The following MTA1 variants were observed in gnomAD, a reference collection of about 807,000 sequenced individuals.
MTA1 encodes metastasis associated 1, also known as metastasis-associated protein MTA1.
MTA1 carries 15 observed loss-of-function variants against 97.0 expected under a neutral mutation model. The observed-to-expected ratio is 0.15, with a 90% confidence interval of 0.10 to 0.24. The LOEUF is 0.24. Ranked by LOEUF, MTA1 falls within the 10% of genes least tolerant of loss-of-function variation. The pLI, the probability that MTA1 is intolerant of heterozygous loss-of-function variation, is 1.00. For missense variants in MTA1, 709 were observed against 1,015.1 expected (o/e 0.70, Z 4.10); for synonymous variants, 435 against 417.5 (o/e 1.04, Z -0.51).
Position 105,454,916 on chromosome 14 carries a change from C to G in MTA1, c.550+606C>G, listed in dbSNP as rs112124468. 8.1e-3 allele frequency among the ~76,000 whole-genome samples: 1,226 copies of G among 150,476 alleles called. 17 individuals are homozygous for G. The highest frequency in any genetic ancestry group is 0.014 in the Non-Finnish European group (946 of 67,542). ...TGGCAGTTATTTTTCATTACTTTTT[C>G]TTTTTTTTGGACAAGGTCTGGCTCT... On this transcript the variant is annotated intron_variant, in intron 7 of 20. Coordinates refer to ENST00000331320, the MANE Select transcript of MTA1 (RefSeq NM_004689.4).
chr14:105,446,385 C>G (rs1316732031), intron 3 of MTA1, among the ~76,000 whole-genome samples: 1 of 152,218 alleles, frequency 6.6e-6, no homozygotes, highest in Non-Finnish European at 1.5e-5. Context: ...AGGCATGTGA[C>G]TGCCCGGGTA....
At chr14:105,458,679 C>G (rs947986195) in intron 8 of MTA1, among the ~76,000 whole-genome samples, 1 of 152,166 alleles carries the variant, frequency 6.6e-6, no homozygotes, top group African/African-American at 2.4e-5. Context: ...CCACTGGGAG[C>G]AAGTGGGCTG....
At chr14:105,445,533 G>T (rs1191436872) in intron 3 of MTA1, 22 bp downstream of exon 3, 1 of 1,612,364 alleles carries the variant, frequency 6.2e-7, no homozygotes, top group Non-Finnish European at 8.5e-7. Flanking sequence ...CTTCCCTGGG[G>T]TGCCCGCCTG....
At chr14:105,461,232 A>G (rs964986817) in intron 10 of MTA1, among the ~76,000 whole-genome samples, 1 of 152,184 alleles carries the variant, frequency 6.6e-6, no homozygotes, top group Admixed American at 6.5e-5. Context: ...GGGTTGGCCC[A>G]GGTGACGGAG....
At chr14:105,450,469 G>C in intron 6 of MTA1, 145 bp downstream of exon 6, 1 of 904,710 alleles carries the variant, frequency 1.1e-6, no homozygotes, top group South Asian at 1.8e-5. Flanking sequence ...CGGGGATTGC[G>C]TCCTGACTGT....
At chr14:105,465,335 C>T (rs980253451) in intron 16 of MTA1, 152 bp downstream of exon 16, 7 of 553,022 alleles carry the variant, frequency 1.3e-5, no homozygotes, top group African/African-American at 3.9e-5. Flanking sequence ...TACTCTGCAC[C>T]GTGCCAGGCT....
At chr14:105,448,434 G>A (rs1423913459) in intron 3 of MTA1, among the ~76,000 whole-genome samples, 3 of 152,310 alleles carry the variant, frequency 2.0e-5, no homozygotes, top group Middle Eastern at 3.4e-3. Context: ...TCCAGGCTGG[G>A]TCAGTGCTCG....
chr14:105,446,963 T>C (rs1317893587), intron 3 of MTA1, among the ~76,000 whole-genome samples: 1 of 152,192 alleles, frequency 6.6e-6, no homozygotes, highest in Non-Finnish European at 1.5e-5. Flanking sequence ...CCAAAGCCTG[T>C]GTACTCCACT....
rs201800402 is a variant in MTA1 at position 105,469,897 on chromosome 14, G to C, written c.1902G>C (p.Leu634=). The part of the protein sequence containing the change: ...NGKSYPTKVR[L]IRGGSLPPVK... ...AGTCCTACCCCACCAAAGTGCGCCTGATCCGGGGGGGCTCCCTGCCCCCAG... is the reference window on the plus strand; with the variant it reads ...AGTCCTACCCCACCAAAGTGCGCCTCATCCGGGGGGGCTCCCTGCCCCCAG... The change falls in exon 20 of 21, where the codon CTG becomes CTC. Residue 634 remains leucine (L), a synonymous_variant. Transcript: ENST00000331320. 2.8e-5 allele frequency: 45 copies of C among 1,611,448 alleles called. No homozygotes were observed. Among genetic ancestry groups the C allele is most frequent in the Non-Finnish European group, 3.6e-5 (42 of 1,179,450 alleles).
intron 6 of MTA1, among the ~76,000 whole-genome samples, chr14:105,453,209 G>A (rs775021484): frequency 3.7e-4 from 57 of 152,282 alleles, no homozygotes; most frequent in Non-Finnish European, 6.2e-4. Flanking sequence ...CCTGCTGCGC[G>A]GGTGGCGGCC....
chr14:105,432,971 G>A (rs1303559912), intron 1 of MTA1, among the ~76,000 whole-genome samples: 1 of 152,156 alleles, frequency 6.6e-6, no homozygotes, highest in South Asian at 2.1e-4. Flanking sequence ...AGCTTCAGTC[G>A]AAAGCGATTG....
At chr14:105,427,483 C>T (rs2082047388) in intron 1 of MTA1, among the ~76,000 whole-genome samples, 1 of 152,144 alleles carries the variant, frequency 6.6e-6, no homozygotes, top group African/African-American at 2.4e-5. Context: ...AGGCTCTGCC[C>T]CACGTGAGTT....
intron 1 of MTA1, among the ~76,000 whole-genome samples, chr14:105,433,501 AG>A (rs1460144177): frequency 2.0e-5 from 3 of 152,122 alleles, no homozygotes; most frequent in Non-Finnish European, 2.9e-5. Flanking sequence ...GTGACCTCCT[AG>A]GAGCAGGTCA....
At chr14:105,445,254 G>A (rs2082677498) in intron 2 of MTA1, among the ~76,000 whole-genome samples, 164 bp from the exon 3 acceptor site, 1 of 152,226 alleles carries the variant, frequency 6.6e-6, no homozygotes, top group Non-Finnish European at 1.5e-5. Flanking sequence ...GTCCAGAGCT[G>A]CAGGATTTGC....
chr14:105,423,571 C>CA (rs781911387), intron 1 of MTA1, among the ~76,000 whole-genome samples: 29 of 146,984 alleles, frequency 2.0e-4, no homozygotes, highest in African/African-American at 3.7e-4. Flanking sequence ...GACTCCGTAT[C>CA]AAAAAAAAAA....
At chr14:105,451,783 G>GTTTTTTTTTTTTTT (rs869240296) in intron 6 of MTA1, among the ~76,000 whole-genome samples, 8 of 31,378 alleles carry the variant, frequency 2.5e-4, no homozygotes, top group African/African-American at 2.1e-4. Flanking sequence ...TTCTTTTTTT[G>GTTTTTTTTTTTTTT]TTTTTTTTTT....
intron 9 of MTA1, 88 bp downstream of exon 9, chr14:105,460,545 C>T (rs1301239690): frequency 9.6e-6 from 13 of 1,358,350 alleles, no homozygotes; most frequent in East Asian, 2.5e-5. Flanking sequence ...GGGCCCAGCA[C>T]CTGCCCCAGG....
Position 105,435,031 on chromosome 14 carries a change from A to G in MTA1, c.29-3641A>G, listed in dbSNP as rs193267189. Among the ~76,000 whole-genome samples, 59 of 152,296 alleles carry G rather than the reference A, an allele frequency of 3.9e-4. No homozygotes were observed. In the East Asian group the frequency reaches 8.9e-3, roughly 23 times the overall value. ...GTCAGCAGTAGTGGTGAGAGTAGCT[A>G]TACCCTTGGCACATCCCTGATCTCA... is the stretch of plus-strand genomic sequence containing the variant. On this transcript the variant is annotated intron_variant, in intron 1 of 20. Transcript: ENST00000331320.
intron 8 of MTA1, among the ~76,000 whole-genome samples, chr14:105,460,138 C>T (rs1403501858): frequency 1.9e-5 from 2 of 107,308 alleles, no homozygotes; most frequent in African/African-American, 7.7e-5. Flanking sequence ...GGGGGAAGTC[C>T]GTGCTGCCCA....
Sources: allele counts gnomAD v4.1 joint callset (sites outside exome capture counted in the v4.1 genomes callset), GRCh38; gene constraint gnomAD v4.1.1; transcripts MANE v1.5; gene names NCBI Gene and HGNC (gene_info 2026-07-23, HGNC 2026-07-21).